ARHGEF9: variants seen among roughly 807,000 people sequenced by gnomAD.
The protein encoded by ARHGEF9 is Cdc42 guanine nucleotide exchange factor 9.
In ARHGEF9, 2 loss-of-function variants were observed where a neutral mutation model predicts 41.3. The ratio of observed to expected loss-of-function variants is 0.05; its 90% confidence interval spans 0.02 to 0.15. The LOEUF (loss-of-function observed/expected upper bound fraction) is 0.15. Among genes scored for constraint, ARHGEF9 ranks in the 10% least tolerant of loss-of-function variants. ARHGEF9 has a pLI of 1.00. For missense variants in ARHGEF9, 225 were observed against 424.7 expected (o/e 0.53, Z 4.13); for synonymous variants, 160 against 154.4 (o/e 1.04, Z -0.27).
intron 7 of ARHGEF9, among the ~76,000 whole-genome samples, chrX:63,662,293 T>C (rs1434951358): frequency 8.9e-6 from 1 of 112,043 alleles, no homozygotes; most frequent in African/African-American, 3.2e-5. Context: ...TTACAAACTT[T>C]ATGTTTTATC....
At chrX:63,769,395 C>A (rs2056165843) in intron 1 of ARHGEF9, among the ~76,000 whole-genome samples, 1 of 108,622 alleles carries the variant, frequency 9.2e-6, no homozygotes, top group African/African-American at 3.4e-5. Context: ...ATAATAAAAG[C>A]AAAGCATAAA....
intron 1 of ARHGEF9, chrX:63,755,983 T>C: frequency 3.0e-6 from 1 of 338,069 alleles, no homozygotes; most frequent in South Asian, 1.5e-4. Flanking sequence ...AATCTGCTTC[T>C]AATCATTGCC....
intron 1 of ARHGEF9, among the ~76,000 whole-genome samples, chrX:63,761,044 C>G (rs1182951414): frequency 1.8e-5 from 2 of 111,453 alleles, no homozygotes; most frequent in African/African-American, 6.5e-5. Context: ...CAGACCCTCT[C>G]ATGGAGTGAT....
intron 6 of ARHGEF9, among the ~76,000 whole-genome samples, chrX:63,668,465 T>C (rs1295379913): frequency 5.4e-5 from 6 of 111,425 alleles, no homozygotes; most frequent in Admixed American, 1.9e-4. Context: ...ACTTGCAACA[T>C]GTAACTCCAC....
rs138067049 is a variant in ARHGEF9, at chrX:63,678,165, A to G, written c.815+175T>C. On this transcript the variant is annotated intron_variant, in intron 5 of 9. Transcript: ENST00000671741. ...CTCCTTTTGTGTGAGTAACAAAGCCAGTGATAGCTCTGCCTTCTGTACCCT... is the reference window on the plus strand; with the variant it reads ...CTCCTTTTGTGTGAGTAACAAAGCCGGTGATAGCTCTGCCTTCTGTACCCT... 8.4e-3 allele frequency among the ~76,000 whole-genome samples: 941 copies of G among 112,202 alleles called. 2 individuals carry two copies. The highest frequency in any genetic ancestry group is 0.026 in the South Asian group (70 of 2,687).
chrX:63,676,780 G>T (rs1417344878), intron 5 of ARHGEF9, among the ~76,000 whole-genome samples: 1 of 112,402 alleles, frequency 8.9e-6, no homozygotes, highest in African/African-American at 3.2e-5. Context: ...GTCCAACATG[G>T]TAGCTATTAG....
In ARHGEF9 at chrX:63,644,761, TA is replaced by T. The variant is rs1455040416; in HGVS notation, c.1322-714del. Among the ~76,000 whole-genome samples, 46 of 95,927 alleles carry T rather than the reference TA, an allele frequency of 4.8e-4. 2 individuals carry two copies. The highest frequency in any genetic ancestry group is 1.6e-3 in the African/African-American group (29 of 18,575). 83.3% of individuals were successfully genotyped at this position (95,927 alleles called of 115,157 possible). Reference sequence around the variant, plus strand: ...AGGAATCGCCTTCTATTATTATTATTATTTTTTTTTTTTTTGGAGGCAAGGT... The same window carrying T: ...AGGAATCGCCTTCTATTATTATTATTTTTTTTTTTTTTTTGGAGGCAAGGT... On this transcript the variant is annotated intron_variant, in intron 8 of 9. Transcript: ENST00000671741.
At chrX:63,649,709 GAA>G (rs1477802929) in intron 8 of ARHGEF9, among the ~76,000 whole-genome samples, 3 of 110,870 alleles carry the variant, frequency 2.7e-5, no homozygotes, top group Non-Finnish European at 5.7e-5. Flanking sequence ...TAATAAAGAA[GAA>G]AAGAGAGAAG....
At chrX:63,638,537 A>T in intron 9 of ARHGEF9, 1 of 386,638 alleles carries the variant, frequency 2.6e-6, no homozygotes, top group Non-Finnish European at 4.5e-6. Context: ...GCGACAAAGC[A>T]AGGGTTAGAA....
chrX:63,648,619 A>T (rs1336340815), intron 8 of ARHGEF9, among the ~76,000 whole-genome samples: 1 of 111,657 alleles, frequency 9.0e-6, no homozygotes, highest in East Asian at 2.8e-4. Flanking sequence ...TTAAATGTAA[A>T]TTGGCTAAAT....
At position 63,710,156 on chromosome X, in the gene ARHGEF9, C is replaced by T. The variant is rs1335471661; in HGVS notation, c.211-3707G>A. 2.8e-5 allele frequency among the ~76,000 whole-genome samples: 3 copies of T among 108,994 alleles called. No individual in the cohort carries two copies. The East Asian group carries it at 8.6e-4, about 31-fold the overall frequency. The allele number at this position is 108,994 out of a possible 115,157, so 94.6% of individuals were successfully genotyped here. ...ATTGTATGCCAATAAATTACATAAC[C>T]TGATGAAATGGATAAAGTCCTAGAA... is the stretch of plus-strand genomic sequence containing the variant. On this transcript the variant is annotated intron_variant, in intron 2 of 9. Coordinates refer to ENST00000671741, the MANE Select transcript of ARHGEF9 (RefSeq NM_001353921.2).
chrX:63,761,042 C>A (rs2056025272), intron 1 of ARHGEF9, among the ~76,000 whole-genome samples: 2 of 111,495 alleles, frequency 1.8e-5, no homozygotes. Flanking sequence ...CCCAGACCCT[C>A]TCATGGAGTG....
chrX:63,706,771 T>C (rs1398092036), intron 2 of ARHGEF9, among the ~76,000 whole-genome samples: 2 of 112,257 alleles, frequency 1.8e-5, no homozygotes, highest in Non-Finnish European at 3.8e-5. Flanking sequence ...TGGATTGCTG[T>C]CAAAACACAG....
Position 63,665,991 on chromosome X carries a change from C to T in ARHGEF9, c.972G>A (p.Ser324=), listed in dbSNP as rs1556347447. ...WEGEDILDRS[S]ELIYTGEMAW... ...CCATCTCCCCAGTGTAGATCAGCTC[C>T]GAGCTCCTGTCTAGGATGTCCTCGC... The change falls in exon 7 of 10, where the codon TCG becomes TCA. Residue 324 remains serine, a synonymous_variant. Coordinates refer to ENST00000671741, the MANE Select transcript of ARHGEF9 (RefSeq NM_001353921.2). The T allele has an allele frequency of 8.4e-7, 1 of 1,188,919 alleles. No homozygotes were observed. The highest frequency in any genetic ancestry group is 3.0e-5 in the East Asian group (1 of 33,041).
intron 3 of ARHGEF9, among the ~76,000 whole-genome samples, chrX:63,700,226 T>C (rs2052061016): frequency 8.9e-6 from 1 of 111,909 alleles, no homozygotes; most frequent in South Asian, 3.7e-4. Flanking sequence ...AAATAAGCGA[T>C]GAGACATAAG....
intron 4 of ARHGEF9, among the ~76,000 whole-genome samples, chrX:63,687,367 A>G (rs2051053066): frequency 8.9e-6 from 1 of 111,829 alleles, no homozygotes; most frequent in African/African-American, 3.3e-5. Flanking sequence ...GTCACTCTGC[A>G]CAAAACCTCT....
chrX:63,659,573 G>C (rs1426031251), intron 7 of ARHGEF9, among the ~76,000 whole-genome samples: 2 of 111,200 alleles, frequency 1.8e-5, no homozygotes, highest in Non-Finnish European at 1.9e-5. Context: ...TGCTTCACTT[G>C]TTTGTAAATA....
chrX:63,785,074 T>G (rs2056440459), intron 1 of ARHGEF9, 42 bp downstream of exon 1: 4 of 1,161,811 alleles, frequency 3.4e-6, no homozygotes, highest in Non-Finnish European at 4.6e-6. Context: ...GCTGGGGGAC[T>G]GAGAGGCTCA....
chrX:63,748,625 T>C (rs1307419529), intron 1 of ARHGEF9, among the ~76,000 whole-genome samples: 1 of 111,882 alleles, frequency 8.9e-6, no homozygotes, highest in Non-Finnish European at 1.9e-5. Flanking sequence ...GGCTAACTCT[T>C]AACCCTGGCT....
Sources: gnomAD v4.1 joint callset for allele counts (sites outside exome capture counted in the v4.1 genomes callset) on GRCh38, gnomAD v4.1.1 for gene constraint, MANE v1.5 for transcripts, NCBI Gene and HGNC (gene_info 2026-07-23, HGNC 2026-07-21) for gene names.